The following RTN4 variants were observed in gnomAD, a reference collection of about 807,000 sequenced individuals.
RTN4 encodes the protein reticulon 4.
A neutral mutation model predicts 90.4 loss-of-function variants in RTN4; 32 were observed. The ratio of observed to expected loss-of-function variants is 0.35; its 90% CI spans 0.27 to 0.48. The LOEUF (loss-of-function observed/expected upper bound fraction) is 0.48. Ranked by LOEUF, RTN4 falls within the 20% of genes least tolerant of loss-of-function variation. RTN4 has a pLI of 0.99. For missense variants in RTN4, 1,706 were observed against 1,430.2 expected (o/e 1.19, Z -3.11); for synonymous variants, 629 against 552.5 (o/e 1.14, Z -1.94).
rs1178180532 is a variant in RTN4 at position 55,049,818 on chromosome 2, C to A, written c.483G>T (p.Pro161=). 1 of 992,576 alleles carries A rather than the reference C, an allele frequency of 1.0e-6. No individual in the cohort carries two copies. The highest frequency in any genetic ancestry group is 1.2e-6 in the Non-Finnish European group (1 of 821,124). 61.5% of individuals were successfully genotyped at this position (992,576 alleles called of 1,614,324 possible). A position where few individuals can be genotyped will look rare whatever the true frequency, so the allele number is the denominator to read the frequency against. ...GGGGCGCGGCGGGAGCCGGGGCTGG[C>A]GGGGTCCACACGGGCTCTGCCTGGG... The part of the protein sequence containing the change: ...VSPQAEPVWT[P]PAPAPAAPPS... The change falls in exon 1 of 9, where the codon CCG becomes CCT. Residue 161 remains proline (P), a synonymous_variant. Coordinates refer to ENST00000337526, the MANE Select transcript of RTN4 (RefSeq NM_020532.5).
chr2:55,103,887 G>T (rs902941231), intron 1 of RTN4, among the ~76,000 whole-genome samples: 2 of 151,954 alleles, frequency 1.3e-5, no homozygotes, highest in African/African-American at 4.8e-5. Context: ...CAGAGATGGG[G>T]TTTCACCATG....
chr2:55,050,122 G>T lies in RTN4; in HGVS notation c.179C>A (p.Ala60Asp). The T allele has an allele frequency of 2.0e-6, 3 of 1,511,854 alleles. No individual in the cohort carries two copies. The highest frequency in any genetic ancestry group is 2.6e-6 in the Non-Finnish European group (3 of 1,135,662). 93.7% of individuals were successfully genotyped at this position (1,511,854 alleles called of 1,614,324 possible). A position where few individuals can be genotyped will look rare whatever the true frequency, so the allele number is the denominator to read the frequency against. Residue 60 changes from alanine to aspartate, a missense_variant, in exon 1 of 9, where the codon GCC becomes GAC. Transcript: ENST00000337526. This position sits in a 1 kb window ranked among gnomAD's most constrained non-coding sequence, Gnocchi z 4.6. ...CACTGGGGCCGCGGACAGCCCGGCG[G>T]CGGGCTTCCTCTCCAGCACCTCCAG... ...EELEVLERKP[A>D]AGLSAAPVPT...
In RTN4 at chr2:54,978,431, C is replaced by CAAAA. The variant is rs10718270; in HGVS notation, c.3361-3671_3361-3668dup. On this transcript the variant is annotated intron_variant, in intron 5 of 8. Transcript: ENST00000337526. The stretch of plus-strand genomic sequence containing the variant: ...GGGTGACACAGCGAGACTCTATCTC[C>CAAAA]AAAAAAAAAAAAAAAAAAAAAAGAG... Among the ~76,000 whole-genome samples the CAAAA allele has an allele frequency of 4.4e-4, 36 of 81,052 alleles. 1 individual carries two copies. Among genetic ancestry groups the CAAAA allele is most frequent in the East Asian group, 7.2e-4 (2 of 2,766 alleles). 53.2% of individuals were successfully genotyped at this position (81,052 alleles called of 152,430 possible). A position where few individuals can be genotyped will look rare whatever the true frequency, so the allele number is the denominator to read the frequency against.
chr2:55,016,348 C>G (rs1573388297), intron 3 of RTN4, among the ~76,000 whole-genome samples: 1 of 152,206 alleles, frequency 6.6e-6, no homozygotes, highest in East Asian at 1.9e-4. Context: ...TTTGGGAGGC[C>G]AAGGTGGGCA....
intron 3 of RTN4, among the ~76,000 whole-genome samples, chr2:55,002,473 A>ATAACTTCAC (rs1679920351): frequency 2.0e-5 from 3 of 152,228 alleles, no homozygotes; most frequent in Non-Finnish European, 4.4e-5. Flanking sequence ...TTTCTCTAAG[A>ATAACTTCAC]GAAAAGTGAA....
intron 3 of RTN4, chr2:55,010,130 C>T (rs771122214): frequency 6.2e-7 from 1 of 1,613,514 alleles, no homozygotes; most frequent in African/African-American, 1.3e-5. Flanking sequence ...TCTCTTGTCA[C>T]GATCTGCTTT....
the RTN4 span, among the ~76,000 whole-genome samples, chr2:55,123,720 C>T: frequency 6.6e-6 from 1 of 151,680 alleles, no homozygotes; most frequent in South Asian, 2.1e-4. Flanking sequence ...TATATTGTTA[C>T]TCGTGTAACA....
chr2:55,049,928 C>T lies in RTN4; in HGVS notation c.373G>A (p.Ala125Thr). Residue 125 changes from alanine (A) to threonine (T), a missense_variant, in exon 1 of 9, where the codon GCT becomes ACT. By Grantham distance (58) the Ala-to-Thr change is moderately conservative (BLOSUM62 0). Coordinates refer to ENST00000337526, the MANE Select transcript of RTN4 (RefSeq NM_020532.5). ...STVPAPSPLS[A>T]AAVSPSKLPE... Reference sequence around the variant, plus strand: ...AGCTTGGAGGGCGAGACTGCGGCAGCAGACAGCGGGGATGGCGCGGGCACG... The same window carrying T: ...AGCTTGGAGGGCGAGACTGCGGCAGTAGACAGCGGGGATGGCGCGGGCACG... 7.5e-7 allele frequency: 1 copy of T among 1,339,602 alleles called. No homozygotes were observed. Among genetic ancestry groups the T allele is most frequent in the Non-Finnish European group, 9.5e-7 (1 of 1,051,080 alleles). 83.0% of individuals were successfully genotyped at this position (1,339,602 alleles called of 1,614,324 possible).
the RTN4 span, among the ~76,000 whole-genome samples, chr2:55,129,101 C>T: frequency 2.2e-5 from 3 of 136,276 alleles, no homozygotes; most frequent in African/African-American, 8.3e-5. Flanking sequence ...CAGAGCAAGA[C>T]TCCGTCTCAA....
intron 4 of RTN4, among the ~76,000 whole-genome samples, chr2:54,986,932 C>A (rs146450098): frequency 1.6e-4 from 24 of 152,072 alleles, no homozygotes; most frequent in Middle Eastern, 6.8e-3. Flanking sequence ...GTCTCCATAG[C>A]AACTATATAA....
intron 3 of RTN4, chr2:55,010,470 T>C: frequency 1.8e-6 from 1 of 565,694 alleles, no homozygotes; most frequent in Non-Finnish European, 2.4e-6. Flanking sequence ...GGGTTGTTCT[T>C]AGAACTAACC....
At chr2:55,051,169 G>C (rs1668080435), upstream of RTN4, among the ~76,000 whole-genome samples, 1 of 152,190 alleles carries the variant, frequency 6.6e-6, no homozygotes, top group African/African-American at 2.4e-5. Context: ...CAGCTGTGCT[G>C]AATTAACTAG....
At chr2:55,056,267 C>G (rs560050543) in intron 2 of RTN4, among the ~76,000 whole-genome samples, 1 of 152,130 alleles carries the variant, frequency 6.6e-6, no homozygotes, top group East Asian at 1.9e-4. Context: ...GCCCTCCCCT[C>G]GTGATAGTCA....
chr2:55,117,722 A>G, the RTN4 span, among the ~76,000 whole-genome samples: 2 of 152,232 alleles, frequency 1.3e-5, no homozygotes, highest in Non-Finnish European at 2.9e-5. Context: ...ATAAAGGTCA[A>G]GAATAGGCAA....
intron 2 of RTN4, among the ~76,000 whole-genome samples, chr2:55,068,575 C>A (rs1668433797): frequency 6.8e-6 from 1 of 147,128 alleles, no homozygotes; most frequent in African/African-American, 2.5e-5. Flanking sequence ...AGGTTTACTT[C>A]ATATGTTTTT....
intron 5 of RTN4, among the ~76,000 whole-genome samples, chr2:54,980,325 T>G (rs181561802): frequency 1.0e-3 from 158 of 152,218 alleles, no homozygotes; most frequent in African/African-American, 3.6e-3. Context: ...TTTCTAACAT[T>G]TTCTCTCTCC....
chr2:55,134,390 G>T, the RTN4 span, among the ~76,000 whole-genome samples: 1 of 152,068 alleles, frequency 6.6e-6, no homozygotes, highest in African/African-American at 2.4e-5. Context: ...CCTAGACTTG[G>T]AGAAGGTCTG....
At chr2:55,039,632 T>C (rs1327251320) in intron 1 of RTN4, among the ~76,000 whole-genome samples, 2 of 152,006 alleles carry the variant, frequency 1.3e-5, no homozygotes, top group Non-Finnish European at 2.9e-5. Flanking sequence ...ATACAAAAAT[T>C]AGCCAGGTGT....
chr2:55,057,194 C>T (rs558921774), intron 2 of RTN4, among the ~76,000 whole-genome samples: 1 of 152,268 alleles, frequency 6.6e-6, no homozygotes, highest in East Asian at 1.9e-4. Flanking sequence ...AATAACCATA[C>T]AGTGGTATTA....
Sources: allele counts gnomAD v4.1 joint callset (sites outside exome capture counted in the v4.1 genomes callset), GRCh38; gene constraint gnomAD v4.1.1; non-coding constraint Gnocchi (gnomAD v3.1); transcripts MANE v1.5; gene names NCBI Gene and HGNC (gene_info 2026-07-23, HGNC 2026-07-21).